The following SSBP2 variants were observed in gnomAD, a reference collection of about 807,000 sequenced individuals.
SSBP2 encodes the protein single-stranded DNA-binding protein 2.
SSBP2 carries 17 observed loss-of-function variants against 61.8 expected under a neutral mutation model. That is an observed-to-expected ratio of 0.28 (90% confidence interval 0.19 to 0.41). SSBP2 has a LOEUF of 0.41. Among genes scored for constraint, SSBP2 ranks in the 10% least tolerant of loss-of-function variants. The pLI, the probability that SSBP2 is intolerant of heterozygous loss-of-function variation, is 1.00. For missense variants in SSBP2, 310 were observed against 458.7 expected (o/e 0.68, Z 2.96); for synonymous variants, 139 against 141.3 (o/e 0.98, Z 0.12).
chr5:81,741,537 A>G (rs1297494887), intron 1 of SSBP2, among the ~76,000 whole-genome samples: 2 of 152,226 alleles, frequency 1.3e-5, no homozygotes, highest in Non-Finnish European at 2.9e-5. Context: ...TATTCTCTCA[A>G]TAATTCATAC....
intron 4 of SSBP2, among the ~76,000 whole-genome samples, chr5:81,580,022 T>C (rs1774523184): frequency 2.0e-5 from 3 of 152,114 alleles, no homozygotes; most frequent in Admixed American, 1.3e-4. Flanking sequence ...ATATTTAATG[T>C]ATTAATGAAA....
At chr5:81,658,255 TG>T (rs1158799973) in intron 1 of SSBP2, among the ~76,000 whole-genome samples, 3 of 152,204 alleles carry the variant, frequency 2.0e-5, no homozygotes, top group Non-Finnish European at 4.4e-5. Context: ...CATTCTATGC[TG>T]CTTCTATGGC....
chr5:81,693,120 G>A (rs906388159), intron 1 of SSBP2, among the ~76,000 whole-genome samples: 2 of 150,288 alleles, frequency 1.3e-5, no homozygotes, highest in African/African-American at 2.5e-5. Context: ...CAGGAGAATC[G>A]CTTGAACCTG....
intron 10 of SSBP2, among the ~76,000 whole-genome samples, chr5:81,459,068 T>C (rs577871973): frequency 6.6e-6 from 1 of 152,290 alleles, no homozygotes; most frequent in South Asian, 2.1e-4. Context: ...TGTGTGCTAG[T>C]CAAATGCCCA....
At chr5:81,595,379 C>G (rs1452157369) in intron 4 of SSBP2, among the ~76,000 whole-genome samples, 1 of 152,116 alleles carries the variant, frequency 6.6e-6, no homozygotes, top group Admixed American at 6.5e-5. Flanking sequence ...ACTCCAGGAC[C>G]AGATGGATTC....
chr5:81,718,224 G>A (rs1050177625), intron 1 of SSBP2, among the ~76,000 whole-genome samples: 1 of 152,120 alleles, frequency 6.6e-6, no homozygotes, highest in African/African-American at 2.4e-5. Flanking sequence ...ATAAGAAGGA[G>A]GATGGAAGAG....
chr5:81,674,799 C>T (rs1251088536), intron 1 of SSBP2, among the ~76,000 whole-genome samples: 1 of 152,116 alleles, frequency 6.6e-6, no homozygotes, highest in East Asian at 1.9e-4. Context: ...TTCTAATAGG[C>T]TCATGGTACT....
At chr5:81,728,165 G>A (rs1756017095) in intron 1 of SSBP2, among the ~76,000 whole-genome samples, 1 of 152,162 alleles carries the variant, frequency 6.6e-6, no homozygotes, top group Non-Finnish European at 1.5e-5. Context: ...TAAAGGTAAT[G>A]GGGAGTGACA....
At chr5:81,643,033 G>T (rs1748930310) in intron 2 of SSBP2, among the ~76,000 whole-genome samples, 1 of 152,116 alleles carries the variant, frequency 6.6e-6, no homozygotes, top group South Asian at 2.1e-4. Flanking sequence ...TTGGGGCTGG[G>T]ATTCTGAAAA....
chr5:81,485,728 C>T (rs1766330562), intron 6 of SSBP2, among the ~76,000 whole-genome samples: 1 of 152,112 alleles, frequency 6.6e-6, no homozygotes, highest in South Asian at 2.1e-4. Context: ...CCAGGCTGAT[C>T]TCAAACTCCT....
At chr5:81,449,488 G>A (rs967665616) in intron 10 of SSBP2, among the ~76,000 whole-genome samples, 4 of 152,112 alleles carry the variant, frequency 2.6e-5, no homozygotes, top group Non-Finnish European at 4.4e-5. Flanking sequence ...GTATTAAGAT[G>A]CTGTACATCC....
intron 4 of SSBP2, among the ~76,000 whole-genome samples, chr5:81,537,897 A>T (rs1770936830): frequency 6.6e-6 from 1 of 152,162 alleles, no homozygotes; most frequent in South Asian, 2.1e-4. Flanking sequence ...GTTCATGCAA[A>T]AGGAAAAAGT....
intron 1 of SSBP2, among the ~76,000 whole-genome samples, chr5:81,737,171 T>C (rs1314547548): frequency 6.6e-6 from 1 of 152,102 alleles, no homozygotes; most frequent in African/African-American, 2.4e-5. Flanking sequence ...ATTATTGTCA[T>C]CCTTTAATGA....
At chr5:81,691,127 T>G (rs759948552) in intron 1 of SSBP2, among the ~76,000 whole-genome samples, 3 of 151,410 alleles carry the variant, frequency 2.0e-5, no homozygotes, top group Admixed American at 6.6e-5. Flanking sequence ...GTAGAAAAAC[T>G]TCAAATAAAC....
chr5:81,717,222 T>C (rs1275965892), intron 1 of SSBP2, among the ~76,000 whole-genome samples: 7 of 151,990 alleles, frequency 4.6e-5, no homozygotes, highest in Non-Finnish European at 2.9e-5. Context: ...AAAAATGAGG[T>C]AGTCACCCTC....
intron 6 of SSBP2, among the ~76,000 whole-genome samples, chr5:81,475,888 A>G (rs2154025654): frequency 6.6e-6 from 1 of 152,214 alleles, no homozygotes; most frequent in East Asian, 1.9e-4. Flanking sequence ...TGCTGATTGA[A>G]TAATTGTGTG....
chr5:81,438,608 G>A lies in SSBP2; in HGVS notation c.929-1150C>T, dbSNP rs540742724. ...TGCATATATGCAATCATATATATGT[G>A]TATATATAATATGTACAGTAATGTT... On this transcript the variant is annotated intron_variant, in intron 14 of 16. Coordinates refer to ENST00000320672, the MANE Select transcript of SSBP2 (RefSeq NM_012446.5). Among the ~76,000 whole-genome samples, 6 of 152,166 alleles carry A rather than the reference G, an allele frequency of 3.9e-5. No individual in the cohort carries two copies. The South Asian group carries it at 1.2e-3, about 32-fold the overall frequency.
chr5:81,679,051 C>T (rs1324009300), intron 1 of SSBP2, among the ~76,000 whole-genome samples: 2 of 152,050 alleles, frequency 1.3e-5, no homozygotes, highest in African/African-American at 4.8e-5. Context: ...ACTCTGTCGC[C>T]CAGGCTGAAG....
rs1313413271 is a variant in SSBP2, at chr5:81,467,054, C to T, written c.571-13G>A. 1 of 1,605,882 alleles carries T rather than the reference C, an allele frequency of 6.2e-7. No individual in the cohort carries two copies. The highest frequency in any genetic ancestry group is 8.5e-7 in the Non-Finnish European group (1 of 1,174,922). ...CACCTCCATAGTTCTGTAATGATAACCAAGGGTCAGACTACCACAAAACAA... is the reference window on the plus strand; with the variant it reads ...CACCTCCATAGTTCTGTAATGATAATCAAGGGTCAGACTACCACAAAACAA... On this transcript the variant is annotated splice_polypyrimidine_tract_variant and intron_variant, in intron 8 of 16. Transcript: ENST00000320672.
Sources: allele counts gnomAD v4.1 joint callset (sites outside exome capture counted in the v4.1 genomes callset), GRCh38; gene constraint gnomAD v4.1.1; transcripts MANE v1.5; gene names NCBI Gene and HGNC (gene_info 2026-07-23, HGNC 2026-07-21).